The following NLK variants were observed in gnomAD, a reference collection of about 807,000 sequenced individuals.
NLK encodes the protein serine/threonine-protein kinase NLK.
NLK carries 11 observed loss-of-function variants against 59.0 expected under a neutral mutation model. The observed-to-expected ratio is 0.19, with a 90% CI of 0.12 to 0.31. NLK has a LOEUF of 0.31. Among genes scored for constraint, NLK ranks in the 10% least tolerant of loss-of-function variants. The probability of loss-of-function intolerance (pLI) is 1.00; values close to 1 mark genes in which losing one functional copy is unlikely to be tolerated. For synonymous variants in NLK, 235 were observed against 235.9 expected (o/e 1.00, Z 0.03); for missense variants, 410 against 661.1 (o/e 0.62, Z 4.16).
intron 2 of NLK, among the ~76,000 whole-genome samples, chr17:28,130,793 A>C (rs1400777218): frequency 6.6e-6 from 1 of 152,204 alleles, no homozygotes; most frequent in East Asian, 1.9e-4. Flanking sequence ...CAGTTGTCAA[A>C]TATTCATGTT....
At chr17:28,080,488 G>A (rs1910308394) in intron 1 of NLK, among the ~76,000 whole-genome samples, 1 of 152,116 alleles carries the variant, frequency 6.6e-6, no homozygotes, top group Admixed American at 6.6e-5. Context: ...CCAAAGACTA[G>A]GACTATGACA....
At chr17:28,201,154 C>T (rs1456072453), downstream of NLK, among the ~76,000 whole-genome samples, 1 of 152,174 alleles carries the variant, frequency 6.6e-6, no homozygotes, top group Non-Finnish European at 1.5e-5. Context: ...GATCTTGGCT[C>T]ACATCAGCCT....
chr17:28,055,105 T>C (rs571572529), intron 1 of NLK, among the ~76,000 whole-genome samples: 1 of 150,952 alleles, frequency 6.6e-6, no homozygotes, highest in South Asian at 2.1e-4. Context: ...CTTTTTTTTT[T>C]TTTTTTGAGA....
the NLK span, among the ~76,000 whole-genome samples, chr17:28,205,017 G>A: frequency 6.6e-6 from 1 of 152,206 alleles, no homozygotes; most frequent in Non-Finnish European, 1.5e-5. Context: ...GTCATTGGTG[G>A]AGTGAAGCCA....
At chr17:28,132,986 A>G (rs1906583475) in intron 3 of NLK, among the ~76,000 whole-genome samples, 1 of 152,230 alleles carries the variant, frequency 6.6e-6, no homozygotes, top group Non-Finnish European at 1.5e-5. Flanking sequence ...GTTGTAGTAG[A>G]ACCCAGGAAA....
intron 1 of NLK, among the ~76,000 whole-genome samples, chr17:28,077,073 C>CTTTTTTTTTTTT (rs35639099): frequency 7.8e-4 from 33 of 42,490 alleles, no homozygotes; most frequent in Non-Finnish European, 9.5e-4. Context: ...CTCTTTCTTT[C>CTTTTTTTTTTTT]TTTTTTTTTT....
At position 28,194,456 on chromosome 17, in the gene NLK, A is replaced by G. The variant is rs1909415003; in HGVS notation, c.1530-126A>G. On this transcript the variant is annotated intron_variant, in intron 10 of 10. Coordinates refer to ENST00000407008, the MANE Select transcript of NLK (RefSeq NM_016231.5). The stretch of plus-strand genomic sequence containing the variant: ...ACTTAGAATAAATTCAACTTCAAAG[A>G]AACAAATAAAAATCCAGAAGTGGAA... 6 of 664,388 alleles carry G rather than the reference A, an allele frequency of 9.0e-6. No individual in the cohort carries two copies. In the Admixed American group the frequency reaches 1.7e-4, roughly 19 times the overall value. 41.2% of individuals were successfully genotyped at this position (664,388 alleles called of 1,614,324 possible).
chr17:28,100,306 A>AT (rs1263302292), intron 1 of NLK, among the ~76,000 whole-genome samples: 1 of 152,134 alleles, frequency 6.6e-6, no homozygotes, highest in African/African-American at 2.4e-5. Context: ...GCAAATGAGG[A>AT]TTTTCTCCAA....
chr17:28,120,096 A>G (rs1443810296), intron 1 of NLK, among the ~76,000 whole-genome samples: 1 of 152,146 alleles, frequency 6.6e-6, no homozygotes, highest in Non-Finnish European at 1.5e-5. Flanking sequence ...TTTCTCTTCT[A>G]GTAGCTAGAT....
chr17:28,097,269 G>T (rs1203107584), intron 1 of NLK, among the ~76,000 whole-genome samples: 1 of 152,040 alleles, frequency 6.6e-6, no homozygotes, highest in Non-Finnish European at 1.5e-5. Context: ...TTATACTAAT[G>T]TTATTAAGAA....
intron 3 of NLK, among the ~76,000 whole-genome samples, chr17:28,146,398 T>TGATGATGATGAC (rs986798108): frequency 6.6e-6 from 1 of 151,376 alleles, no homozygotes; most frequent in African/African-American, 2.4e-5. Context: ...ATGATGATGA[T>TGATGATGATGAC]GATGATGACG....
chr17:28,150,458 G>A (rs1216387608), intron 3 of NLK, among the ~76,000 whole-genome samples: 1 of 152,102 alleles, frequency 6.6e-6, no homozygotes. Flanking sequence ...TTACTGACTG[G>A]GAATGTGACC....
At chr17:28,108,109 A>C (rs1458384262) in intron 1 of NLK, among the ~76,000 whole-genome samples, 12 of 151,988 alleles carry the variant, frequency 7.9e-5, no homozygotes, top group Non-Finnish European at 5.9e-5. Context: ...TGGTGCGTGC[A>C]TGTAGTCCCA....
chr17:28,096,871 A>G (rs1165285473), intron 1 of NLK, among the ~76,000 whole-genome samples: 4 of 152,334 alleles, frequency 2.6e-5, no homozygotes, highest in Non-Finnish European at 5.9e-5. Flanking sequence ...CTGCTCGAAA[A>G]TAAGAGGTGT....
intron 5 of NLK, among the ~76,000 whole-genome samples, chr17:28,166,926 A>G (rs1908260617): frequency 6.6e-6 from 1 of 152,264 alleles, no homozygotes; most frequent in Admixed American, 6.5e-5. Context: ...GAAGAAATGA[A>G]TGAACCCCAT....
At chr17:28,121,391 GAA>G (rs11308814) in intron 1 of NLK, among the ~76,000 whole-genome samples, 2,640 of 141,242 alleles carry the variant, frequency 0.019, 58 homozygotes, top group Middle Eastern at 0.07. Context: ...TAGAAGGGGG[GAA>G]AAAAAAAAAA....
At chr17:28,124,441 T>C (rs1194839505) in intron 2 of NLK, among the ~76,000 whole-genome samples, 1 of 151,898 alleles carries the variant, frequency 6.6e-6, no homozygotes, top group African/African-American at 2.4e-5. Flanking sequence ...GGTGGGAAGA[T>C]CACTTGAGCC....
At chr17:28,143,334 G>T (rs374277105) in intron 3 of NLK, among the ~76,000 whole-genome samples, 1 of 152,078 alleles carries the variant, frequency 6.6e-6, no homozygotes, top group African/African-American at 2.4e-5. Flanking sequence ...GAGCCACCAT[G>T]CCCAGCCAAA....
At chr17:28,188,398 A>G (rs778612923) in intron 8 of NLK, among the ~76,000 whole-genome samples, 8 of 152,190 alleles carry the variant, frequency 5.3e-5, no homozygotes, top group East Asian at 3.8e-4. Flanking sequence ...TGAGAGTTCA[A>G]TGAGAACAAG....
Sources: allele counts gnomAD v4.1 joint callset (sites outside exome capture counted in the v4.1 genomes callset), GRCh38; gene constraint gnomAD v4.1.1; transcripts MANE v1.5; gene names NCBI Gene and HGNC (gene_info 2026-07-23, HGNC 2026-07-21).